UMODL1: variants seen among roughly 807,000 people sequenced by gnomAD.
The protein encoded by UMODL1 is uromodulin-like 1.
In UMODL1, 128 loss-of-function variants were observed where a neutral mutation model predicts 136.3. The observed-to-expected ratio is 0.94, with a 90% CI of 0.81 to 1.09. The LOEUF is 1.09. Among genes scored for constraint, UMODL1 ranks in the 50% least tolerant of loss-of-function variants. UMODL1 has a pLI of 0.00. For missense variants in UMODL1, 1,766 were observed against 1,725.6 expected (o/e 1.02, Z -0.41); for synonymous variants, 721 against 720.0 (o/e 1.00, Z -0.02).
intron 19 of UMODL1, 37 bp downstream of exon 19, chr21:42,127,279 T>C: frequency 2.6e-6 from 4 of 1,567,432 alleles, no homozygotes; most frequent in Non-Finnish European, 2.6e-6. Flanking sequence ...CATCCAGCAA[T>C]GCCTGGGGCT....
intron 9 of UMODL1, among the ~76,000 whole-genome samples, chr21:42,106,885 G>A (rs1406436453): frequency 2.6e-5 from 4 of 152,208 alleles, no homozygotes; most frequent in South Asian, 2.1e-4. Context: ...CTCCTATGGC[G>A]ATGGAGTAAA....
chr21:42,088,423 A>C lies in UMODL1; in HGVS notation c.733A>C (p.Thr245Pro), dbSNP rs1461621449. The C allele has an allele frequency of 5.6e-6, 9 of 1,613,696 alleles. No individual in the cohort carries two copies. The highest frequency in any genetic ancestry group is 7.6e-6 in the Non-Finnish European group (9 of 1,179,842). The change falls in exon 5 of 23, where the codon ACC becomes CCC. Residue 245 changes from threonine to proline, a missense_variant. Physicochemically the swap from Thr to Pro is conservative, Grantham distance 38. Coordinates refer to ENST00000408910, the MANE Select transcript of UMODL1 (RefSeq NM_001004416.3). ...GCCACTGCCTGTGGCTGACGTCTCC[A>C]CCCTGCTGGGTGACATTGCGAAGCG... The part of the protein sequence containing the change: ...PRPLPVADVS[T>P]LLGDIAKRVY...
chr21:42,084,161 T>C lies in UMODL1; in HGVS notation c.397T>C (p.Cys133Arg), dbSNP rs1205547632. The change falls in exon 3 of 23, where the codon TGC (cysteine) becomes CGC (arginine). Residue 133 changes from cysteine to arginine, a missense_variant. Coordinates refer to ENST00000408910, the MANE Select transcript of UMODL1 (RefSeq NM_001004416.3). The stretch of plus-strand genomic sequence containing the variant: ...GGGGCCTGAACCATCCACCTCCCCC[T>C]GCAGCTTGGACATCGACTGTCCTGG... ...AEGPEPSTSP[C>R]SLDIDCPGLE... The C allele has an allele frequency of 1.9e-6, 3 of 1,614,020 alleles. No homozygotes were observed. Among genetic ancestry groups the C allele is most frequent in the African/African-American group, 2.7e-5 (2 of 74,952 alleles).
intron 22 of UMODL1, among the ~76,000 whole-genome samples, chr21:42,138,048 C>T (rs1368202217): frequency 5.3e-5 from 8 of 152,212 alleles, no homozygotes; most frequent in South Asian, 4.2e-4. Flanking sequence ...ACGATACCAG[C>T]GGCAGTGCTA....
intron 21 of UMODL1, among the ~76,000 whole-genome samples, chr21:42,137,171 C>T (rs73905571): frequency 0.014 from 2,057 of 152,332 alleles, 50 homozygotes; most frequent in African/African-American, 0.047. Context: ...ACTGGGCTCT[C>T]CCCCTCCCAC....
At chr21:42,116,195 A>AAG (rs1555928173) in intron 14 of UMODL1, among the ~76,000 whole-genome samples, 6 of 146,242 alleles carry the variant, frequency 4.1e-5, no homozygotes, top group African/African-American at 1.5e-4. Flanking sequence ...AAAAAAAAAA[A>AAG]TACAAAAAAT....
At position 42,118,815 on chromosome 21, in the gene UMODL1, G is replaced by A. The variant is rs1471219292; in HGVS notation, c.2476-296G>A. On this transcript the variant is annotated intron_variant, in intron 14 of 22. Coordinates refer to ENST00000408910, the MANE Select transcript of UMODL1 (RefSeq NM_001004416.3). ...AGCAAATTTTAAGCCCCATGAGGTA[G>A]GGTCTCTGCCTGTGCCCCCAAGTCC... Among the ~76,000 whole-genome samples, 4 of 152,178 alleles carry A rather than the reference G, an allele frequency of 2.6e-5. No individual in the cohort carries two copies. In the South Asian group the frequency reaches 6.2e-4, roughly 24 times the overall value.
rs910289524 is a variant in UMODL1, at chr21:42,122,408, T to G, written c.2828-423T>G. Among the ~76,000 whole-genome samples, 1 of 152,120 alleles carries G rather than the reference T, an allele frequency of 6.6e-6. No homozygotes were observed. Among genetic ancestry groups the G allele is most frequent in the African/African-American group, 2.4e-5 (1 of 41,424 alleles). ...CCATCTTAGAGAATAGACTCAGGGC[T>G]CTCAGGGCAGAAGACTCACCCTGTA... On this transcript the variant is annotated intron_variant, in intron 16 of 22. Transcript: ENST00000408910. The surrounding 1 kb of genome is among the most constrained non-coding windows in gnomAD (Gnocchi z 4.3).
chr21:42,116,122 C>T, intron 14 of UMODL1, 137 bp downstream of exon 14: 1 of 477,254 alleles, frequency 2.1e-6, no homozygotes, highest in East Asian at 4.3e-5. Flanking sequence ...ATTGCCTGAG[C>T]TCAGGAGTTC....
At chr21:42,073,146 T>C (rs1291427108) in intron 1 of UMODL1, among the ~76,000 whole-genome samples, 1 of 152,162 alleles carries the variant, frequency 6.6e-6, no homozygotes, top group East Asian at 1.9e-4. Context: ...GAGCTGTAAG[T>C]GTCCTTAATG....
chr21:42,135,895 G>A (rs2067199430), intron 21 of UMODL1, among the ~76,000 whole-genome samples: 1 of 152,188 alleles, frequency 6.6e-6, no homozygotes, highest in Non-Finnish European at 1.5e-5. Context: ...GGGACACACA[G>A]CAGCGTCCAC....
intron 21 of UMODL1, among the ~76,000 whole-genome samples, chr21:42,130,685 AGAC>A (rs1272930375): frequency 6.6e-6 from 1 of 152,206 alleles, no homozygotes; most frequent in African/African-American, 2.4e-5. Context: ...CCTCCTTAAA[AGAC>A]GTCTGTGCCT....
At chr21:42,075,013 C>T (rs760047045) in intron 1 of UMODL1, among the ~76,000 whole-genome samples, 6 of 152,132 alleles carry the variant, frequency 3.9e-5, no homozygotes, top group Non-Finnish European at 7.4e-5. Context: ...GCCATTCTGC[C>T]TCAGCCTCCC....
chr21:42,086,550 A>G (rs1344315644), intron 4 of UMODL1: 1 of 455,696 alleles, frequency 2.2e-6, no homozygotes, highest in East Asian at 6.9e-5. Context: ...GGACTGCCCA[A>G]TTGGCCAGTA....
In UMODL1 at chr21:42,099,377, G is replaced by A. The variant is rs928344108; in HGVS notation, c.1186+197G>A. Among the ~76,000 whole-genome samples, 11 of 152,250 alleles carry A rather than the reference G, an allele frequency of 7.2e-5. No homozygotes were observed. The highest frequency in any genetic ancestry group is 2.6e-4 in the African/African-American group (11 of 41,532). Reference sequence around the variant, plus strand: ...CACCGGCCCGCTGGTGCCTTCACTGGCTCCCTCGCTTCCCTACATGTCGTC... The same window carrying A: ...CACCGGCCCGCTGGTGCCTTCACTGACTCCCTCGCTTCCCTACATGTCGTC... On this transcript the variant is annotated intron_variant, in intron 7 of 22. Transcript: ENST00000408910. This position sits in a 1 kb window ranked among gnomAD's most constrained non-coding sequence, Gnocchi z 4.1.
chr21:42,104,138 C>T (rs768161675), intron 9 of UMODL1, 51 bp downstream of exon 9: 12 of 1,540,524 alleles, frequency 7.8e-6, no homozygotes, highest in Admixed American at 1.8e-5. Flanking sequence ...GCTCAGAAAT[C>T]CTCTTGGTGA....
At position 42,114,621 on chromosome 21, in the gene UMODL1, A is replaced by C. The variant is rs142882374; in HGVS notation, c.2362+791A>C. On this transcript the variant is annotated intron_variant, in intron 13 of 22. Coordinates refer to ENST00000408910, the MANE Select transcript of UMODL1 (RefSeq NM_001004416.3). The stretch of plus-strand genomic sequence containing the variant: ...GCACACCCCTTGAGAGAGGCATAAG[A>C]TGGTCTATTGGGATGCAATAATAGA... Among the ~76,000 whole-genome samples, 7 of 152,360 alleles carry C rather than the reference A, an allele frequency of 4.6e-5. No individual in the cohort carries two copies. In the East Asian group the frequency reaches 1.2e-3, roughly 25 times the overall value.
chr21:42,074,142 C>T (rs1034995523), intron 1 of UMODL1, among the ~76,000 whole-genome samples: 5 of 152,074 alleles, frequency 3.3e-5, no homozygotes, highest in South Asian at 2.1e-4. Flanking sequence ...GATGAAGTTG[C>T]GGGCAGGGCT....
In UMODL1 at chr21:42,137,682, G is replaced by T. The variant is rs1028460474; in HGVS notation, c.*21+41G>T. ...GGTGGGAGGTGCAGGCTGACAGGAA[G>T]GTGGGTGTGGAGTGGGGTGGGAGGT... On this transcript the variant is annotated intron_variant, in intron 22 of 22. Transcript: ENST00000408910. 8.0e-6 allele frequency: 8 copies of T among 996,714 alleles called. No homozygotes were observed. The African/African-American group carries it at 1.1e-4, about 13-fold the overall frequency. 61.7% of individuals were successfully genotyped at this position (996,714 alleles called of 1,614,324 possible). A position where few individuals can be genotyped will look rare whatever the true frequency, so the allele number is the denominator to read the frequency against.
Sources: gnomAD v4.1 joint callset for allele counts (sites outside exome capture counted in the v4.1 genomes callset) on GRCh38, gnomAD v4.1.1 for gene constraint, Gnocchi (gnomAD v3.1) non-coding constraint, MANE v1.5 for transcripts, NCBI Gene and HGNC (gene_info 2026-07-23, HGNC 2026-07-21) for gene names.